Variants in CSMD1 observed in about 807,000 individuals in gnomAD.
CSMD1 encodes CUB and Sushi multiple domains 1.
In CSMD1, 213 loss-of-function variants were observed where a neutral mutation model predicts 417.5. That is an observed-to-expected ratio of 0.51 (90% CI 0.46 to 0.57). The LOEUF (loss-of-function observed/expected upper bound fraction) is 0.57. Among genes scored for constraint, CSMD1 ranks in the 20% least tolerant of loss-of-function variants. The pLI, the probability that CSMD1 is intolerant of heterozygous loss-of-function variation, is 0.00. For missense variants in CSMD1, 6,923 were observed against 4,529.7 expected, an observed-to-expected ratio of 1.53 and a Z score of -15.17; for synonymous variants, 2,862 against 1,736.8, an observed-to-expected ratio of 1.65 and a Z score of -16.11.
At chr8:3,586,316 A>T in intron 8 of CSMD1, 56 bp from the exon 9 acceptor site, 2 of 1,449,658 alleles carry the variant, frequency 1.4e-6, no homozygotes, top group Non-Finnish European at 1.8e-6. Context: ...AGACTTCTTT[A>T]GGAAAAAAAA....
intron 68 of CSMD1, among the ~76,000 whole-genome samples, chr8:2,944,984 T>C (rs1013819114): frequency 2.6e-5 from 4 of 152,204 alleles, no homozygotes; most frequent in Non-Finnish European, 4.4e-5. Flanking sequence ...AGAAGGTGTT[T>C]GTGAATTACA....
Position 4,320,695 on chromosome 8 carries a change from T to C in CSMD1, c.415+99258A>G, listed in dbSNP as rs572928263. On this transcript the variant is annotated intron_variant, in intron 3 of 69. Transcript: ENST00000635120. Reference sequence around the variant, plus strand: ...CTGCAAAGGACATGAACTCATCCTTTTTTATGGCTGCATAGTATTCCATGG... The same window carrying C: ...CTGCAAAGGACATGAACTCATCCTTCTTTATGGCTGCATAGTATTCCATGG... 9.0e-4 allele frequency among the ~76,000 whole-genome samples: 137 copies of C among 152,304 alleles called. No homozygotes were observed. In the Middle Eastern group the frequency reaches 0.01, roughly 11 times the overall value.
intron 3 of CSMD1, among the ~76,000 whole-genome samples, chr8:4,156,762 C>T (rs1796856975): frequency 6.6e-6 from 1 of 152,124 alleles, no homozygotes; most frequent in South Asian, 2.1e-4. Flanking sequence ...AACAGGAAAT[C>T]CAGACAGTAC....
intron 12 of CSMD1, among the ~76,000 whole-genome samples, chr8:3,440,872 T>C (rs1464444430): frequency 2.0e-5 from 3 of 152,238 alleles, no homozygotes; most frequent in Admixed American, 2.0e-4. Flanking sequence ...GAACAGACGT[T>C]ACAGCAGGCT....
intron 5 of CSMD1, among the ~76,000 whole-genome samples, chr8:3,772,744 C>T (rs1243465825): frequency 6.8e-6 from 1 of 148,060 alleles, no homozygotes; most frequent in African/African-American, 2.5e-5. Flanking sequence ...TCAAACATAC[C>T]TTCATTCAGC....
chr8:3,299,502 T>C (rs1424089123), intron 25 of CSMD1, among the ~76,000 whole-genome samples: 1 of 152,122 alleles, frequency 6.6e-6, no homozygotes, highest in East Asian at 1.9e-4. Flanking sequence ...CTCTGTGATA[T>C]CAGATACAGG....
intron 18 of CSMD1, among the ~76,000 whole-genome samples, chr8:3,370,220 T>C (rs146870784): frequency 1.3e-5 from 2 of 152,204 alleles, no homozygotes; most frequent in Non-Finnish European, 2.9e-5. Context: ...TCCCGCCAAC[T>C]TTCTTCTTTT....
chr8:3,734,782 C>G (rs1796441428), intron 6 of CSMD1, among the ~76,000 whole-genome samples: 1 of 152,194 alleles, frequency 6.6e-6, no homozygotes, highest in Non-Finnish European at 1.5e-5. Flanking sequence ...GATCTCTCTG[C>G]TCTCTGCAAC....
intron 1 of CSMD1, among the ~76,000 whole-genome samples, chr8:4,891,387 C>G (rs191570460): frequency 4.6e-5 from 7 of 152,122 alleles, no homozygotes; most frequent in Non-Finnish European, 8.8e-5. Flanking sequence ...TAACTTGACC[C>G]TTGATCAGGT....
chr8:4,858,918 T>C (rs1327074705), intron 1 of CSMD1, among the ~76,000 whole-genome samples: 1 of 150,926 alleles, frequency 6.6e-6, no homozygotes, highest in African/African-American at 2.4e-5. Flanking sequence ...AAAACTACTT[T>C]AAAGGTCATA....
intron 2 of CSMD1, among the ~76,000 whole-genome samples, chr8:4,467,775 G>C (rs144622440): frequency 2.0e-5 from 3 of 152,216 alleles, no homozygotes; most frequent in South Asian, 4.1e-4. Context: ...AAAGCACCTT[G>C]CATTTACTAT....
intron 1 of CSMD1, among the ~76,000 whole-genome samples, chr8:4,834,008 T>C (rs1389388570): frequency 6.6e-6 from 1 of 152,158 alleles, no homozygotes; most frequent in African/African-American, 2.4e-5. Context: ...TTTATAAAAA[T>C]AGACCCGGGA....
rs976895411 is a variant in CSMD1 at position 4,815,526 on chromosome 8, T to C, written c.86-177968A>G. On this transcript the variant is annotated intron_variant, in intron 1 of 69. Transcript: ENST00000635120. The stretch of plus-strand genomic sequence containing the variant: ...GCCTGACCAACACAGTGAAACCCCA[T>C]CTCTACTGAAAATACAAAAATTAGC... Among the ~76,000 whole-genome samples, 5 of 151,472 alleles carry C rather than the reference T, an allele frequency of 3.3e-5. No homozygotes were observed. In the South Asian group the frequency reaches 8.3e-4, roughly 25 times the overall value.
chr8:3,115,771 C>T (rs1257435298), intron 42 of CSMD1, among the ~76,000 whole-genome samples: 1 of 152,068 alleles, frequency 6.6e-6, no homozygotes, highest in African/African-American at 2.4e-5. Flanking sequence ...AGACTGATGC[C>T]TTGGGATTTA....
intron 3 of CSMD1, among the ~76,000 whole-genome samples, chr8:4,233,125 C>T (rs1009628192): frequency 6.6e-6 from 1 of 152,158 alleles, no homozygotes; most frequent in African/African-American, 2.4e-5. Context: ...ATCACTTATC[C>T]ACAACGTTCC....
At chr8:3,938,845 G>C (rs766595621) in intron 5 of CSMD1, among the ~76,000 whole-genome samples, 9 of 152,076 alleles carry the variant, frequency 5.9e-5, no homozygotes, top group Admixed American at 1.3e-4. Flanking sequence ...TTTAGACAAA[G>C]TAAACCTTTT....
At chr8:4,092,159 A>T (rs986848176) in intron 3 of CSMD1, among the ~76,000 whole-genome samples, 1 of 152,198 alleles carries the variant, frequency 6.6e-6, no homozygotes, top group African/African-American at 2.4e-5. Context: ...AAATTCTACT[A>T]AAGAGGACAA....
rs144679660 is a variant in CSMD1 at position 4,501,124 on chromosome 8, G to C, written c.303-81059C>G. Among the ~76,000 whole-genome samples, 45 of 152,160 alleles carry C rather than the reference G, an allele frequency of 3.0e-4. No homozygotes were observed. The East Asian group carries it at 6.8e-3, about 23-fold the overall frequency. On this transcript the variant is annotated intron_variant, in intron 2 of 69. Transcript: ENST00000635120. Reference sequence around the variant, plus strand: ...CAACCATGAAGAAAAGGAGTATCATGACACATAATGATATCTCACATATAT... The same window carrying C: ...CAACCATGAAGAAAAGGAGTATCATCACACATAATGATATCTCACATATAT...
chr8:3,558,737 A>C (rs1191470598), intron 10 of CSMD1, among the ~76,000 whole-genome samples: 2 of 148,686 alleles, frequency 1.3e-5, no homozygotes, highest in Admixed American at 6.7e-5. Context: ...CCCCGTGTTC[A>C]CTCCTCCAAT....
Sources: allele counts gnomAD v4.1 joint callset (sites outside exome capture counted in the v4.1 genomes callset), GRCh38; gene constraint gnomAD v4.1.1; transcripts MANE v1.5; gene names NCBI Gene and HGNC (gene_info 2026-07-23, HGNC 2026-07-21).